Variants in ITGA2 observed in about 807,000 individuals in gnomAD.
ITGA2 encodes integrin alpha-2.
A neutral mutation model predicts 146.3 loss-of-function variants in ITGA2; 101 were observed. That is an observed-to-expected ratio of 0.69 (90% confidence interval 0.59 to 0.81). ITGA2 has a LOEUF of 0.81. ITGA2 is among the 40% of genes least tolerant of loss of function. The pLI, the probability that ITGA2 is intolerant of heterozygous loss-of-function variation, is 0.00. For synonymous variants in ITGA2, 477 were observed against 487.1 expected (o/e 0.98, Z 0.27); for missense variants, 1,281 against 1,402.7 (o/e 0.91, Z 1.39).
intron 25 of ITGA2, 95 bp from the exon 26 acceptor site, chr5:53,081,497 C>T: frequency 1.1e-6 from 1 of 930,446 alleles, no homozygotes; most frequent in Non-Finnish European, 1.7e-6. Context: ...CCTTCCCAGA[C>T]CCCTACAAGT....
At chr5:53,044,322 A>T (rs1358890635) in intron 3 of ITGA2, among the ~76,000 whole-genome samples, 1 of 144,648 alleles carries the variant, frequency 6.9e-6, no homozygotes, top group African/African-American at 2.6e-5. Flanking sequence ...GTGAACTTTT[A>T]CAACAGTCAC....
intron 2 of ITGA2, among the ~76,000 whole-genome samples, chr5:53,028,538 T>C (rs1013219078): frequency 6.6e-6 from 1 of 152,218 alleles, no homozygotes; most frequent in Non-Finnish European, 1.5e-5. Flanking sequence ...GACAATATGG[T>C]CGGTATATTT....
chr5:53,048,638 T>C lies in ITGA2; in HGVS notation c.503-5T>C. 6.2e-7 allele frequency: 1 copy of C among 1,614,114 alleles called. No individual in the cohort carries two copies. The highest frequency in any genetic ancestry group is 8.5e-7 in the Non-Finnish European group (1 of 1,179,972). Reference sequence around the variant, plus strand: ...AATCTGCTTCTTTCCTCTTTTCCTGTGTAGCCTGCCCTTCCCTCATAGATG... The same window carrying C: ...AATCTGCTTCTTTCCTCTTTTCCTGCGTAGCCTGCCCTTCCCTCATAGATG... On this transcript the variant is annotated splice_polypyrimidine_tract_variant and splice_region_variant and intron_variant, in intron 5 of 29. Coordinates refer to ENST00000296585, the MANE Select transcript of ITGA2 (RefSeq NM_002203.4).
intron 1 of ITGA2, among the ~76,000 whole-genome samples, chr5:53,010,504 C>G (rs566294663): frequency 1.3e-5 from 2 of 152,250 alleles, no homozygotes; most frequent in Admixed American, 1.3e-4. Context: ...AGCAAATAAC[C>G]TATTTTCTAG....
At chr5:53,028,958 C>T (rs1382626218) in intron 2 of ITGA2, among the ~76,000 whole-genome samples, 1 of 152,216 alleles carries the variant, frequency 6.6e-6, no homozygotes, top group Non-Finnish European at 1.5e-5. Flanking sequence ...TGTCTTTGCT[C>T]TAGCCAGTGT....
At chr5:53,060,043 C>G in intron 11 of ITGA2, 31 bp downstream of exon 11, 1 of 1,609,212 alleles carries the variant, frequency 6.2e-7, no homozygotes, top group African/African-American at 1.3e-5. Flanking sequence ...GCTCAGCAAA[C>G]TTAAGTTCCC....
intron 7 of ITGA2, among the ~76,000 whole-genome samples, chr5:53,052,665 T>C (rs1448677802): frequency 6.6e-6 from 1 of 151,962 alleles, no homozygotes; most frequent in Non-Finnish European, 1.5e-5. Flanking sequence ...TTAAACCTCA[T>C]CCTTTCTGGC....
intron 17 of ITGA2, among the ~76,000 whole-genome samples, chr5:53,070,856 T>G (rs1745359679): frequency 6.6e-6 from 1 of 151,910 alleles, no homozygotes; most frequent in Non-Finnish European, 1.5e-5. Flanking sequence ...AACCACATAA[T>G]GGCATTTGAA....
intron 1 of ITGA2, among the ~76,000 whole-genome samples, chr5:53,015,796 G>T (rs1293243196): frequency 6.6e-6 from 1 of 152,062 alleles, no homozygotes; most frequent in African/African-American, 2.4e-5. Flanking sequence ...CGTATTTAGG[G>T]TAGTTAGGTC....
intron 2 of ITGA2, among the ~76,000 whole-genome samples, chr5:53,034,220 T>A (rs1743376444): frequency 6.6e-6 from 1 of 152,186 alleles, no homozygotes; most frequent in Non-Finnish European, 1.5e-5. Flanking sequence ...AAATACTTAC[T>A]GTTAAAAATT....
intron 23 of ITGA2, among the ~76,000 whole-genome samples, chr5:53,076,044 C>A (rs10513009): frequency 2.0e-5 from 3 of 151,890 alleles, no homozygotes; most frequent in Non-Finnish European, 4.4e-5. Context: ...CACACAAATT[C>A]CACAGGTTCT....
Position 53,090,516 on chromosome 5 carries a change from C to T in ITGA2, c.3466-3C>T. ...TAACATTCTTATATCATCACCTTTA[C>T]AGCTCGGCTTCTTCAAAAGAAAATA... On this transcript the variant is annotated splice_region_variant and splice_polypyrimidine_tract_variant and intron_variant, in intron 29 of 29. Transcript: ENST00000296585. 6.2e-7 allele frequency: 1 copy of T among 1,613,564 alleles called. No homozygotes were observed. Among genetic ancestry groups the T allele is most frequent in the South Asian group, 1.1e-5 (1 of 91,074 alleles).
At chr5:53,009,000 T>C (rs1233815396) in intron 1 of ITGA2, among the ~76,000 whole-genome samples, 2 of 152,046 alleles carry the variant, frequency 1.3e-5, no homozygotes, top group African/African-American at 4.8e-5. Flanking sequence ...AGTCTCATAG[T>C]GTTACATGAA....
At chr5:53,059,099 A>C (rs997565990) in intron 10 of ITGA2, among the ~76,000 whole-genome samples, 1 of 151,954 alleles carries the variant, frequency 6.6e-6, no homozygotes, top group African/African-American at 2.4e-5. Flanking sequence ...CTAAGATAGA[A>C]GAACAAAAAA....
rs1397607399 is a variant in ITGA2 at position 53,090,557 on chromosome 5, A to C, written c.3504A>C (p.Lys1168Asn). 1 of 1,613,966 alleles carries C rather than the reference A, an allele frequency of 6.2e-7. No homozygotes were observed. The highest frequency in any genetic ancestry group is 1.3e-5 in the African/African-American group (1 of 74,878). Reference sequence around the variant, plus strand: ...AAAGAAAATATGAAAAGATGACCAAAAATCCAGATGAGATTGATGAGACCA... The same window carrying C: ...AAAGAAAATATGAAAAGATGACCAACAATCCAGATGAGATTGATGAGACCA... ...FFKRKYEKMT[K>N]NPDEIDETTE... is the part of the protein sequence containing the mutation. Residue 1168 changes from lysine to asparagine, a missense_variant, in exon 30 of 30, where the codon AAA becomes AAC. Around this residue, in one of 3 missense-constraint regions of ITGA2, gnomAD observed 475 missense variants for 530.5 expected, o/e 0.90. Transcript: ENST00000296585.
chr5:53,057,574 C>T (rs1482255704), intron 9 of ITGA2, among the ~76,000 whole-genome samples: 1 of 151,922 alleles, frequency 6.6e-6, no homozygotes, highest in Non-Finnish European at 1.5e-5. Flanking sequence ...GATCAATTGC[C>T]CAGCCCTTCC....
intron 19 of ITGA2, 120 bp downstream of exon 19, chr5:53,072,815 C>A: frequency 1.2e-6 from 1 of 849,392 alleles, no homozygotes; most frequent in Non-Finnish European, 1.9e-6. Flanking sequence ...CTCATAAATA[C>A]CTTTAAAAAC....
chr5:53,008,193 G>A (rs1403338577), intron 1 of ITGA2, among the ~76,000 whole-genome samples: 2 of 151,604 alleles, frequency 1.3e-5, no homozygotes, highest in South Asian at 4.2e-4. Context: ...TCTCAGGTTG[G>A]TGTTGGTTTC....
chr5:52,995,228 C>A (rs6867926), intron 1 of ITGA2, among the ~76,000 whole-genome samples: 14,084 of 152,152 alleles, frequency 0.093, 855 homozygotes, highest in East Asian at 0.21. Flanking sequence ...GGGGTTTTAT[C>A]CTGAGAACAG....
Sources: allele counts gnomAD v4.1 joint callset (sites outside exome capture counted in the v4.1 genomes callset), GRCh38; gene constraint gnomAD v4.1.1; regional missense constraint gnomAD v4.1.1; transcripts MANE v1.5; gene names NCBI Gene and HGNC (gene_info 2026-07-23, HGNC 2026-07-21).